CA10: variants seen among roughly 807,000 people sequenced by gnomAD.
CA10 encodes the protein carbonic anhydrase 10 (inactive).
A neutral mutation model predicts 44.2 loss-of-function variants in CA10; 14 were observed. The ratio of observed to expected loss-of-function variants is 0.32; its 90% CI spans 0.21 to 0.50. The LOEUF (loss-of-function observed/expected upper bound fraction) is 0.50, where lower values mean the gene tolerates loss of function less well. Among genes scored for constraint, CA10 ranks in the 20% least tolerant of loss-of-function variants. The pLI, the probability that CA10 is intolerant of heterozygous loss-of-function variation, is 0.99. For synonymous variants in CA10, 159 were observed against 141.6 expected (o/e 1.12, Z -0.87); for missense variants, 350 against 409.7 (o/e 0.85, Z 1.26).
At position 51,777,240 on chromosome 17, in the gene CA10, A is replaced by G. The variant is rs368282455; in HGVS notation, c.280-29422T>C. Among the ~76,000 whole-genome samples the G allele has an allele frequency of 3.3e-5, 5 of 152,216 alleles. No individual in the cohort carries two copies. The East Asian group carries it at 9.6e-4, about 29-fold the overall frequency. ...GGTTTGATTCTGGACATTTGAGTTT[A>G]GAGTTCCTGTGAAAGATCCAAGTGG... On this transcript the variant is annotated intron_variant, in intron 3 of 8. Coordinates refer to ENST00000451037, the MANE Select transcript of CA10 (RefSeq NM_020178.5).
At chr17:51,793,971 C>T (rs888893547) in intron 3 of CA10, among the ~76,000 whole-genome samples, 1 of 152,200 alleles carries the variant, frequency 6.6e-6, no homozygotes, top group Admixed American at 6.5e-5. Context: ...CACAACACAT[C>T]AAATGGCAAA....
rs181131732 is a variant in CA10 at position 51,705,757 on chromosome 17, C to T, written c.465+41876G>A. Among the ~76,000 whole-genome samples the T allele has an allele frequency of 7.4e-4, 112 of 152,182 alleles. No homozygotes were observed. The East Asian group carries it at 0.019, about 26-fold the overall frequency. On this transcript the variant is annotated intron_variant, in intron 4 of 8. Transcript: ENST00000451037. ...CTTAAGGGGGAGGACCCTTTTGAAC[C>T]AAAATGGATGCAACAATAGCTGTGA...
chr17:51,749,075 A>C (rs764179786), intron 3 of CA10, among the ~76,000 whole-genome samples: 1 of 152,208 alleles, frequency 6.6e-6, no homozygotes, highest in Non-Finnish European at 1.5e-5. Flanking sequence ...TCCCTGGTAC[A>C]TCGACCAATG....
chr17:51,663,186 G>C (rs908577178), intron 4 of CA10, among the ~76,000 whole-genome samples: 6 of 46,838 alleles, frequency 1.3e-4, no homozygotes, highest in Non-Finnish European at 2.3e-4. Flanking sequence ...AATCAGGGAA[G>C]TTCCGTGATG....
At chr17:52,144,299 T>A (rs1026744162) in intron 1 of CA10, among the ~76,000 whole-genome samples, 5 of 152,232 alleles carry the variant, frequency 3.3e-5, no homozygotes, top group African/African-American at 1.2e-4. Context: ...ACCTCACTTC[T>A]TTATTGCTCT....
At chr17:51,948,462 C>A (rs566614867) in intron 2 of CA10, among the ~76,000 whole-genome samples, 5 of 152,306 alleles carry the variant, frequency 3.3e-5, no homozygotes, top group African/African-American at 1.2e-4. Context: ...CAACCAGCTG[C>A]AACGCTCCCC....
At chr17:51,871,817 T>A (rs7219219) in intron 3 of CA10, among the ~76,000 whole-genome samples, 25,530 of 152,010 alleles carry the variant, frequency 0.17, 3,470 homozygotes, top group African/African-American at 0.38. Flanking sequence ...TACCAGAGGG[T>A]CAGAACCACA....
intron 2 of CA10, among the ~76,000 whole-genome samples, chr17:51,969,187 C>T (rs1445068289): frequency 1.3e-5 from 2 of 152,160 alleles, no homozygotes; most frequent in East Asian, 3.9e-4. Context: ...CCACTCAACA[C>T]TCCCACCACG....
intron 2 of CA10, among the ~76,000 whole-genome samples, chr17:52,061,057 A>AC (rs1167550183): frequency 1.3e-5 from 2 of 152,186 alleles, no homozygotes; most frequent in Non-Finnish European, 2.9e-5. Context: ...GTAAGTATGA[A>AC]AAAAAGAATA....
chr17:51,849,246 T>TAC (rs1301822514), intron 3 of CA10, among the ~76,000 whole-genome samples: 2 of 130,564 alleles, frequency 1.5e-5, no homozygotes, highest in Admixed American at 7.8e-5. Context: ...TATATATATA[T>TAC]ATATATATAT....
At chr17:51,831,986 A>G (rs1365030781) in intron 3 of CA10, among the ~76,000 whole-genome samples, 1 of 152,146 alleles carries the variant, frequency 6.6e-6, no homozygotes, top group African/African-American at 2.4e-5. Context: ...AGATCTGGCA[A>G]TGGGACTCCG....
At chr17:52,111,721 A>G (rs540775565) in intron 1 of CA10, among the ~76,000 whole-genome samples, 1 of 152,180 alleles carries the variant, frequency 6.6e-6, no homozygotes, top group Non-Finnish European at 1.5e-5. Flanking sequence ...GGTGATTTAT[A>G]AAGGTCAATT....
At chr17:51,876,756 G>T (rs1980099836) in intron 3 of CA10, among the ~76,000 whole-genome samples, 1 of 152,038 alleles carries the variant, frequency 6.6e-6, no homozygotes, top group Non-Finnish European at 1.5e-5. Flanking sequence ...CAAGATCCTG[G>T]TCCATATGGT....
chr17:51,805,664 C>T (rs1253334992), intron 3 of CA10, among the ~76,000 whole-genome samples: 1 of 152,132 alleles, frequency 6.6e-6, no homozygotes, highest in African/African-American at 2.4e-5. Flanking sequence ...GTGTACAATT[C>T]GACAGTTTTT....
chr17:51,842,799 CA>C (rs1040620470), intron 3 of CA10, among the ~76,000 whole-genome samples: 38 of 152,006 alleles, frequency 2.5e-4, no homozygotes, highest in African/African-American at 9.2e-4. Context: ...TGGAACAACA[CA>C]ACCTGACCCC....
At chr17:51,888,578 T>A (rs923384892) in intron 3 of CA10, among the ~76,000 whole-genome samples, 1 of 152,224 alleles carries the variant, frequency 6.6e-6, no homozygotes, top group African/African-American at 2.4e-5. Flanking sequence ...TCTTTCAAGA[T>A]CCTTCTATCC....
intron 1 of CA10, among the ~76,000 whole-genome samples, chr17:52,108,164 ATTT>A (rs1988700566): frequency 6.9e-6 from 1 of 144,766 alleles, no homozygotes; most frequent in South Asian, 2.1e-4. Flanking sequence ...GTATATATAT[ATTT>A]TTAATATATT....
At chr17:51,691,368 T>A (rs967218392) in intron 4 of CA10, among the ~76,000 whole-genome samples, 7 of 152,244 alleles carry the variant, frequency 4.6e-5, no homozygotes, top group African/African-American at 1.7e-4. Flanking sequence ...GTCATCGGTA[T>A]GTCATTTTGA....
intron 6 of CA10, among the ~76,000 whole-genome samples, chr17:51,646,958 T>G (rs1300048112): frequency 6.6e-6 from 1 of 152,144 alleles, no homozygotes; most frequent in Admixed American, 6.5e-5. Flanking sequence ...TTAGGGGGCC[T>G]AAATCAGCTA....
Sources: allele counts gnomAD v4.1 joint callset (sites outside exome capture counted in the v4.1 genomes callset), GRCh38; gene constraint gnomAD v4.1.1; transcripts MANE v1.5; gene names NCBI Gene and HGNC (gene_info 2026-07-23, HGNC 2026-07-21).